SEMA6D: variants seen among roughly 807,000 people sequenced by gnomAD.
The protein encoded by SEMA6D is semaphorin 6D.
In SEMA6D, 35 loss-of-function variants were observed where a neutral mutation model predicts 106.6. The observed-to-expected ratio is 0.33, with a 90% CI of 0.25 to 0.44. The LOEUF is 0.44. SEMA6D is among the 20% of genes least tolerant of loss of function. SEMA6D has a pLI of 1.00. For missense variants in SEMA6D, 1,185 were observed against 1,345.9 expected (o/e 0.88, Z 1.87); for synonymous variants, 499 against 487.7 (o/e 1.02, Z -0.31).
chr15:47,704,766 C>T (rs577487499), intron 4 of SEMA6D, among the ~76,000 whole-genome samples: 31 of 152,130 alleles, frequency 2.0e-4, no homozygotes, highest in Admixed American at 3.3e-4. Context: ...TTCAAAATAA[C>T]GGTAAATAAC....
intron 1 of SEMA6D, among the ~76,000 whole-genome samples, chr15:47,407,251 C>T (rs1486978626): frequency 6.6e-6 from 1 of 151,610 alleles, no homozygotes; most frequent in Non-Finnish European, 1.5e-5. Flanking sequence ...TGCCTGTAAT[C>T]CCAGCTACTT....
chr15:47,690,205 G>T (rs543908260), intron 4 of SEMA6D, among the ~76,000 whole-genome samples: 13 of 152,174 alleles, frequency 8.5e-5, no homozygotes, highest in African/African-American at 3.1e-4. Context: ...GCCTCAAAAC[G>T]TAAGTGATTC....
intron 1 of SEMA6D, among the ~76,000 whole-genome samples, chr15:47,248,565 C>A (rs1372809326): frequency 6.6e-6 from 1 of 152,140 alleles, no homozygotes. Flanking sequence ...CCTAAGACAA[C>A]AGAGATATAC....
intron 4 of SEMA6D, among the ~76,000 whole-genome samples, chr15:47,700,426 C>T (rs2078786889): frequency 6.6e-6 from 1 of 152,006 alleles, no homozygotes; most frequent in Admixed American, 6.6e-5. Context: ...GTCCTAGTTA[C>T]TCAGAAGGTT....
chr15:47,763,820 C>T (rs1266740859), intron 9 of SEMA6D, 30 bp from the exon 10 acceptor site: 2 of 1,577,302 alleles, frequency 1.3e-6, no homozygotes, highest in Non-Finnish European at 1.7e-6. Flanking sequence ...TGCTCATAAC[C>T]CCATTGCTTT....
intron 1 of SEMA6D, among the ~76,000 whole-genome samples, chr15:47,365,166 C>G (rs886912791): frequency 2.6e-5 from 4 of 152,160 alleles, no homozygotes; most frequent in Admixed American, 2.6e-4. Flanking sequence ...GCAAAAGAGA[C>G]GACCTGCTGA....
At chr15:47,684,985 A>G (rs189828323) in intron 4 of SEMA6D, among the ~76,000 whole-genome samples, 30 of 152,354 alleles carry the variant, frequency 2.0e-4, no homozygotes, top group Middle Eastern at 3.4e-3. Flanking sequence ...AGTAATAATT[A>G]TATCACAAAA....
chr15:47,210,416 T>G (rs982658778), intron 1 of SEMA6D, among the ~76,000 whole-genome samples: 3 of 152,144 alleles, frequency 2.0e-5, no homozygotes, highest in Non-Finnish European at 4.4e-5. Flanking sequence ...CATGTGATAT[T>G]TCTTTGATCA....
chr15:47,354,530 A>G (rs1298028555), intron 1 of SEMA6D, among the ~76,000 whole-genome samples: 1 of 149,030 alleles, frequency 6.7e-6, no homozygotes, highest in Non-Finnish European at 1.5e-5. Context: ...TTATATATAT[A>G]TACACACATA....
intron 4 of SEMA6D, among the ~76,000 whole-genome samples, chr15:47,649,420 C>T (rs1266936108): frequency 6.6e-6 from 1 of 152,076 alleles, no homozygotes; most frequent in African/African-American, 2.4e-5. Context: ...AAGGGGCTTC[C>T]CTCAGAGACC....
intron 4 of SEMA6D, among the ~76,000 whole-genome samples, chr15:47,607,921 A>C (rs1430948937): frequency 1.3e-5 from 2 of 152,190 alleles, no homozygotes; most frequent in African/African-American, 4.8e-5. Flanking sequence ...TTCTTTGGCC[A>C]CTTTGTTTTC....
chr15:47,421,869 A>C (rs1463646878), intron 2 of SEMA6D, among the ~76,000 whole-genome samples: 1 of 152,138 alleles, frequency 6.6e-6, no homozygotes, highest in Non-Finnish European at 1.5e-5. Flanking sequence ...TACAAACAGT[A>C]AAATAACATT....
chr15:47,673,681 G>C (rs1197304121), intron 4 of SEMA6D, among the ~76,000 whole-genome samples: 2 of 152,166 alleles, frequency 1.3e-5, no homozygotes, highest in Non-Finnish European at 2.9e-5. Flanking sequence ...GCAGCAGGAA[G>C]GAAAAGGAGG....
intron 1 of SEMA6D, among the ~76,000 whole-genome samples, chr15:47,386,973 T>C (rs1408527796): frequency 6.6e-6 from 1 of 152,328 alleles, no homozygotes. Flanking sequence ...AACACTGTCA[T>C]TGTGGGTGTT....
chr15:47,743,983 CTTG>C (rs2080969245), intron 1 of SEMA6D, among the ~76,000 whole-genome samples: 1 of 152,176 alleles, frequency 6.6e-6, no homozygotes, highest in African/African-American at 2.4e-5. Flanking sequence ...CCAGAAGCCT[CTTG>C]TCAGCAGTAT....
Position 47,761,441 on chromosome 15 carries a change from T to C in SEMA6D, c.447+10T>C. 6.3e-7 allele frequency: 1 copy of C among 1,580,850 alleles called. No individual in the cohort carries two copies. Among genetic ancestry groups the C allele is most frequent in the East Asian group, 2.3e-5 (1 of 44,438 alleles). The stretch of plus-strand genomic sequence containing the variant: ...GTGTAGATACTACAGGGTAAGTATA[T>C]TTTATGTGATATGCTTCTTTTGATC... On this transcript the variant is annotated intron_variant, in intron 6 of 18. Transcript: ENST00000536845.
At chr15:47,499,301 G>C (rs941150194) in intron 3 of SEMA6D, among the ~76,000 whole-genome samples, 2 of 151,918 alleles carry the variant, frequency 1.3e-5, no homozygotes, top group Non-Finnish European at 2.9e-5. Flanking sequence ...TGGCTTCTAC[G>C]CCCTTCCCAG....
intron 3 of SEMA6D, among the ~76,000 whole-genome samples, chr15:47,504,851 G>A (rs549423249): frequency 6.6e-6 from 1 of 152,250 alleles, no homozygotes; most frequent in Non-Finnish European, 1.5e-5. Flanking sequence ...CCCGGGGAGT[G>A]TCTGCGGGAA....
At chr15:47,268,105 C>T (rs1383047885) in intron 1 of SEMA6D, among the ~76,000 whole-genome samples, 2 of 152,036 alleles carry the variant, frequency 1.3e-5, no homozygotes, top group African/African-American at 4.8e-5. Context: ...TTAACGAGGT[C>T]CCCAGGTGAT....
Sources: gnomAD v4.1 joint callset for allele counts (sites outside exome capture counted in the v4.1 genomes callset) on GRCh38, gnomAD v4.1.1 for gene constraint, MANE v1.5 for transcripts, NCBI Gene and HGNC (gene_info 2026-07-23, HGNC 2026-07-21) for gene names.